The following ABCC5 variants were observed in gnomAD, a reference collection of about 807,000 sequenced individuals.
The protein encoded by ABCC5 is ATP-binding cassette sub-family C member 5.
A neutral mutation model predicts 160.9 loss-of-function variants in ABCC5; 61 were observed. That is an observed-to-expected ratio of 0.38 (90% confidence interval 0.31 to 0.47). The LOEUF (loss-of-function observed/expected upper bound fraction) is 0.47, where lower values mean the gene tolerates loss of function less well. Among genes scored for constraint, ABCC5 ranks in the 20% least tolerant of loss-of-function variants. The pLI is 0.99. For missense variants in ABCC5, 1,308 were observed against 1,813.3 expected, an observed-to-expected ratio of 0.72 and a Z score of 5.06; for synonymous variants, 666 against 700.6, an observed-to-expected ratio of 0.95 and a Z score of 0.78.
intron 1 of ABCC5, 82 bp from the exon 2 acceptor site, chr3:184,014,529 A>G: frequency 1.2e-6 from 1 of 802,684 alleles, no homozygotes; most frequent in African/African-American, 1.8e-5. Context: ...AAAATAGGAA[A>G]AAAAAAAAAA....
At chr3:183,991,740 A>G (rs1719785451) in intron 2 of ABCC5, among the ~76,000 whole-genome samples, 1 of 152,236 alleles carries the variant, frequency 6.6e-6, no homozygotes, top group African/African-American at 2.4e-5. Flanking sequence ...TATAAGGTCA[A>G]CACTTAATTT....
intron 29 of ABCC5, among the ~76,000 whole-genome samples, chr3:183,924,010 CTTTTTTTTT>C (rs200040197): frequency 2.3e-4 from 26 of 112,772 alleles, no homozygotes; most frequent in Middle Eastern, 4.6e-3. Context: ...TTACTGTTTG[CTTTTTTTTT>C]TTTTTTTTTT....
chr3:183,999,879 C>T (rs1720603378), intron 2 of ABCC5, among the ~76,000 whole-genome samples: 1 of 151,890 alleles, frequency 6.6e-6, no homozygotes, highest in South Asian at 2.1e-4. Flanking sequence ...AATTAACCTC[C>T]CAAAAATTAC....
chr3:183,926,935 C>T (rs140544535), intron 28 of ABCC5, among the ~76,000 whole-genome samples: 2,674 of 152,060 alleles, frequency 0.018, 92 homozygotes, highest in African/African-American at 0.061. Context: ...ATCCCAGCTA[C>T]TCGGGAGGCT....
chr3:184,014,782 T>C (rs1406232145), intron 1 of ABCC5, among the ~76,000 whole-genome samples: 1 of 152,134 alleles, frequency 6.6e-6, no homozygotes, highest in Non-Finnish European at 1.5e-5. Flanking sequence ...TGGTTTTTTT[T>C]TTAAAGACTT....
intron 17 of ABCC5, among the ~76,000 whole-genome samples, chr3:183,956,104 T>C (rs1413726803): frequency 4.8e-5 from 4 of 82,494 alleles, no homozygotes; most frequent in African/African-American, 1.5e-4. Flanking sequence ...ATATCACATC[T>C]GTTACATGCA....
intron 8 of ABCC5, among the ~76,000 whole-genome samples, chr3:183,980,122 G>A (rs750434289): frequency 1.1e-4 from 17 of 151,974 alleles, no homozygotes; most frequent in Non-Finnish European, 1.9e-4. Context: ...TGATCTACTC[G>A]CCTAGGCCTC....
rs1216956070 is a variant in ABCC5 at position 183,978,504 on chromosome 3, T to C, written c.1295A>G (p.Gln432Arg). 1 of 1,612,538 alleles carries C rather than the reference T, an allele frequency of 6.2e-7. No individual in the cohort carries two copies. Among genetic ancestry groups the C allele is most frequent in the Non-Finnish European group, 8.5e-7 (1 of 1,179,656 alleles). Residue 432 changes from glutamine (Q) to arginine (R), a missense_variant and splice_region_variant, in exon 9 of 30, where the codon CAG becomes CGG. By Grantham distance (43) the Gln-to-Arg change is conservative (BLOSUM62 1). Transcript: ENST00000334444. The stretch of plus-strand genomic sequence containing the variant: ...CCCCATCCCTGAGGGTTCCCTGACC[T>C]GTGCTGCTGTCAGATCGAAGCCCAG... ...MTLGFDLTAA[Q>R]AFTVVTVFNS...
chr3:183,941,126 C>T (rs1440646101), intron 25 of ABCC5, among the ~76,000 whole-genome samples: 1 of 152,214 alleles, frequency 6.6e-6, no homozygotes, highest in African/African-American at 2.4e-5. Context: ...TCCCAGAGTG[C>T]TGGGATTACA....
At position 183,982,178 on chromosome 3, in the gene ABCC5, A is replaced by G. The variant is rs1011661599; in HGVS notation, c.999+273T>C. ...GCCCTATCACTTAGCACCAACTCCAACGCAGTGACTCAAACACTCCTATGT... is the reference window on the plus strand; with the variant it reads ...GCCCTATCACTTAGCACCAACTCCAGCGCAGTGACTCAAACACTCCTATGT... On this transcript the variant is annotated intron_variant, in intron 7 of 29. Transcript: ENST00000334444. This position sits in a 1 kb window ranked among gnomAD's most constrained non-coding sequence, Gnocchi z 5.2. Among the ~76,000 whole-genome samples, 1 of 152,046 alleles carries G rather than the reference A, an allele frequency of 6.6e-6. No individual in the cohort carries two copies. Among genetic ancestry groups the G allele is most frequent in the Non-Finnish European group, 1.5e-5 (1 of 68,002 alleles).
chr3:183,968,986 T>C lies in ABCC5; in HGVS notation c.1762-1220A>G, dbSNP rs553597045. ...AGTTTTTGACATGGTCCACGAGTAC[T>C]GAATGGTTTACTGCCTGGTGGCAAC... On this transcript the variant is annotated intron_variant, in intron 11 of 29. Transcript: ENST00000334444. Among the ~76,000 whole-genome samples the C allele has an allele frequency of 2.0e-3, 311 of 152,328 alleles. 2 individuals are homozygous for C. Among genetic ancestry groups the C allele is most frequent in the Middle Eastern group, 6.8e-3 (2 of 294 alleles).
chr3:183,957,981 TAC>T (rs1315085874), intron 17 of ABCC5, among the ~76,000 whole-genome samples: 7 of 104,220 alleles, frequency 6.7e-5, no homozygotes, highest in Admixed American at 1.1e-4. Context: ...GATCCGTGTG[TAC>T]ATCACATCGG....
intron 18 of ABCC5, among the ~76,000 whole-genome samples, chr3:183,952,673 T>C (rs1267962015): frequency 6.6e-6 from 1 of 152,222 alleles, no homozygotes; most frequent in Non-Finnish European, 1.5e-5. Flanking sequence ...GTCTCTCTTC[T>C]GCCACCTTGT....
intron 28 of ABCC5, among the ~76,000 whole-genome samples, chr3:183,926,347 C>T (rs1712556905): frequency 6.6e-6 from 1 of 150,714 alleles, no homozygotes; most frequent in Admixed American, 6.6e-5. Flanking sequence ...GTCAAGAGAT[C>T]GAGACCATCC....
chr3:184,010,191 C>T (rs745549175), intron 2 of ABCC5, among the ~76,000 whole-genome samples: 3 of 143,152 alleles, frequency 2.1e-5, no homozygotes, highest in Non-Finnish European at 3.0e-5. Context: ...TGCTTGAGCC[C>T]GGGAGGTGGA....
intron 26 of ABCC5, among the ~76,000 whole-genome samples, chr3:183,931,326 T>A (rs903271027): frequency 6.9e-6 from 1 of 144,702 alleles, no homozygotes; most frequent in African/African-American, 2.6e-5. Flanking sequence ...AGGCTTAACT[T>A]TTTTTTTTTT....
chr3:183,929,557 C>T (rs1424174980), intron 26 of ABCC5, among the ~76,000 whole-genome samples: 1 of 152,142 alleles, frequency 6.6e-6, no homozygotes, highest in Non-Finnish European at 1.5e-5. Context: ...TCCAGGACAG[C>T]TGGCCTGACC....
intron 2 of ABCC5, among the ~76,000 whole-genome samples, chr3:184,012,047 A>ACACACACACACAC (rs1576954048): frequency 6.7e-6 from 1 of 150,060 alleles, no homozygotes; most frequent in South Asian, 2.1e-4. Flanking sequence ...ACACACACAC[A>ACACACACACACAC]AATGAGTGCA....
chr3:183,921,768 G>A lies in ABCC5; in HGVS notation c.4213-367C>T, dbSNP rs1023441601. Among the ~76,000 whole-genome samples the A allele has an allele frequency of 2.0e-5, 3 of 152,128 alleles. No individual in the cohort carries two copies. Among genetic ancestry groups the A allele is most frequent in the African/African-American group, 2.4e-5 (1 of 41,414 alleles). ...AAACTGCAGGAGGCTGGTGGCTCAC[G>A]CCTGTAATCTCAACACTTTGGGAGG... On this transcript the variant is annotated intron_variant, in intron 29 of 29. Transcript: ENST00000334444. This position sits in a 1 kb window ranked among gnomAD's most constrained non-coding sequence, Gnocchi z 4.1.
Sources: gnomAD v4.1 joint callset for allele counts (sites outside exome capture counted in the v4.1 genomes callset) on GRCh38, gnomAD v4.1.1 for gene constraint, Gnocchi (gnomAD v3.1) non-coding constraint, MANE v1.5 for transcripts, NCBI Gene and HGNC (gene_info 2026-07-23, HGNC 2026-07-21) for gene names.